Variants in HOMER1 observed in about 807,000 individuals in gnomAD.
HOMER1 encodes homer scaffold protein 1, also known as homer protein homolog 1.
A neutral mutation model predicts 48.9 loss-of-function variants in HOMER1; 3 were observed. The observed-to-expected ratio is 0.06, with a 90% CI of 0.03 to 0.16. HOMER1 has a LOEUF of 0.16. Ranked by LOEUF, HOMER1 falls within the 10% of genes least tolerant of loss-of-function variation. The pLI, the probability that HOMER1 is intolerant of heterozygous loss-of-function variation, is 1.00. For missense variants in HOMER1, 247 were observed against 411.4 expected, an observed-to-expected ratio of 0.60 and a Z score of 3.46; for synonymous variants, 134 against 146.4, an observed-to-expected ratio of 0.92 and a Z score of 0.61.
chr5:79,510,415 C>A, intron 1 of HOMER1: 1 of 641,812 alleles, frequency 1.6e-6, no homozygotes, highest in South Asian at 1.4e-5. Flanking sequence ...CTTCAGGAGC[C>A]GCGCCTTAAG....
intron 5 of HOMER1, among the ~76,000 whole-genome samples, chr5:79,426,530 T>C (rs1301150879): frequency 6.6e-6 from 1 of 151,924 alleles, no homozygotes; most frequent in Non-Finnish European, 1.5e-5. Context: ...TTATGTTAAA[T>C]AAAATAAGCC....
chr5:79,424,799 A>T lies in HOMER1; in HGVS notation c.527+14211T>A, dbSNP rs527284477. ...TTGCTTATTTTTGACTATATTTATC[A>T]GAAATAACAGCTATTTTGATTTTCA... On this transcript the variant is annotated intron_variant, in intron 5 of 8. Coordinates refer to ENST00000334082, the MANE Select transcript of HOMER1 (RefSeq NM_004272.5). Among the ~76,000 whole-genome samples, 89 of 152,228 alleles carry T rather than the reference A, an allele frequency of 5.8e-4. 1 individual carries two copies. The South Asian group carries it at 0.017, about 28-fold the overall frequency.
intron 4 of HOMER1, among the ~76,000 whole-genome samples, chr5:79,443,472 A>C (rs1238309873): frequency 1.3e-5 from 2 of 152,178 alleles, no homozygotes; most frequent in Non-Finnish European, 2.9e-5. Context: ...GGGAATTCTG[A>C]TGCAGAATTC....
intron 1 of HOMER1, among the ~76,000 whole-genome samples, chr5:79,497,364 A>C (rs763629711): frequency 5.3e-5 from 8 of 151,940 alleles, no homozygotes; most frequent in Non-Finnish European, 8.8e-5. Flanking sequence ...CTTATAAAAA[A>C]TAGAGCTGGG....
intron 5 of HOMER1, among the ~76,000 whole-genome samples, chr5:79,438,701 AC>A (rs1359396182): frequency 4.6e-5 from 7 of 152,204 alleles, no homozygotes; most frequent in Non-Finnish European, 8.8e-5. Flanking sequence ...ATGTTAAAAG[AC>A]AGGTAGAAGC....
At chr5:79,421,670 A>G (rs1340500166) in intron 5 of HOMER1, among the ~76,000 whole-genome samples, 1 of 151,728 alleles carries the variant, frequency 6.6e-6, no homozygotes. Flanking sequence ...CAATGGCGCA[A>G]TCTTGGCTCA....
chr5:79,485,498 A>G (rs1752072450), intron 1 of HOMER1, among the ~76,000 whole-genome samples: 1 of 152,188 alleles, frequency 6.6e-6, no homozygotes, highest in South Asian at 2.1e-4. Context: ...TTTTTCCACA[A>G]AGTTTGGAAC....
chr5:79,465,030 A>AT (rs113991070), intron 1 of HOMER1, among the ~76,000 whole-genome samples: 25 of 148,612 alleles, frequency 1.7e-4, no homozygotes, highest in African/African-American at 2.5e-4. Flanking sequence ...TTCTGGAAGG[A>AT]TTTTTTTTTT....
intron 3 of HOMER1, 34 bp from the exon 4 acceptor site, chr5:79,447,179 T>C: frequency 7.5e-7 from 1 of 1,335,522 alleles, no homozygotes; most frequent in South Asian, 1.2e-5. Context: ...ATTAACCAAA[T>C]AAAAATAGGT....
chr5:79,475,614 T>G (rs1275389249), intron 1 of HOMER1, among the ~76,000 whole-genome samples: 1 of 152,190 alleles, frequency 6.6e-6, no homozygotes, highest in East Asian at 1.9e-4. Context: ...TGCTTTGGAA[T>G]GAATAACCAA....
intron 8 of HOMER1, among the ~76,000 whole-genome samples, chr5:79,378,698 C>G (rs533378020): frequency 1.3e-5 from 2 of 152,200 alleles, no homozygotes; most frequent in East Asian, 1.9e-4. Context: ...ATGTCATTCA[C>G]TAGCAGACAC....
At chr5:79,491,479 A>G (rs1480771872) in intron 1 of HOMER1, among the ~76,000 whole-genome samples, 1 of 151,468 alleles carries the variant, frequency 6.6e-6, no homozygotes, top group Non-Finnish European at 1.5e-5. Context: ...AAAAAATACA[A>G]TTCAGTTGAG....
chr5:79,380,721 G>T (rs971458388), intron 8 of HOMER1, among the ~76,000 whole-genome samples: 3 of 152,066 alleles, frequency 2.0e-5, no homozygotes, highest in Non-Finnish European at 4.4e-5. Context: ...ATAATCGGGG[G>T]GTAGGGGGAG....
intron 1 of HOMER1, among the ~76,000 whole-genome samples, chr5:79,484,641 T>A (rs957030203): frequency 2.6e-5 from 4 of 152,170 alleles, no homozygotes; most frequent in African/African-American, 9.7e-5. Flanking sequence ...AAGAAAACCA[T>A]TTTGAAGACC....
chr5:79,455,050 C>T (rs1751132483), intron 2 of HOMER1, among the ~76,000 whole-genome samples: 1 of 151,916 alleles, frequency 6.6e-6, no homozygotes, highest in East Asian at 1.9e-4. Flanking sequence ...TCCTTAGCTC[C>T]AGCCCCAGTC....
Position 79,401,891 on chromosome 5 carries a change from GA to G in HOMER1, c.684+7del, listed in dbSNP as rs1749545266. The G allele has an allele frequency of 6.2e-7, 1 of 1,613,310 alleles. No homozygotes were observed. Among genetic ancestry groups the G allele is most frequent in the Non-Finnish European group, 8.5e-7 (1 of 1,179,658 alleles). On this transcript the variant is annotated splice_region_variant and intron_variant, in intron 6 of 8. Coordinates refer to ENST00000334082, the MANE Select transcript of HOMER1 (RefSeq NM_004272.5). ...CTAAATCCCTATAGACATCAGCCCTGAAATTACCCGCTTGTGCAGACGTTCT... is the reference window on the plus strand; with the variant it reads ...CTAAATCCCTATAGACATCAGCCCTGAATTACCCGCTTGTGCAGACGTTCT...
chr5:79,502,822 G>A (rs969659083), intron 1 of HOMER1, among the ~76,000 whole-genome samples: 4 of 152,082 alleles, frequency 2.6e-5, no homozygotes, highest in East Asian at 1.9e-4. Flanking sequence ...AGACAGTCTC[G>A]CTCTGTCGCC....
At chr5:79,450,879 G>A (rs1274082124) in intron 3 of HOMER1, 111 bp downstream of exon 3, 1 of 1,071,276 alleles carries the variant, frequency 9.3e-7, no homozygotes, top group Non-Finnish European at 1.3e-6. Flanking sequence ...GCTGTTTCGA[G>A]AATATTAAAT....
rs1354890661 is a variant in HOMER1 at position 79,379,120 on chromosome 5, TATAA to T, written c.877-2927_877-2924del. Among the ~76,000 whole-genome samples the T allele has an allele frequency of 3.8e-3, 354 of 92,802 alleles. 21 individuals carry two copies. Among genetic ancestry groups the T allele is most frequent in the African/African-American group, 0.016 (341 of 21,530 alleles). The allele number at this position is 92,802 out of a possible 152,430, so 60.9% of individuals were successfully genotyped here. A position where few individuals can be genotyped will look rare whatever the true frequency, so the allele number is the denominator to read the frequency against. On this transcript the variant is annotated intron_variant, in intron 8 of 8. Coordinates refer to ENST00000334082, the MANE Select transcript of HOMER1 (RefSeq NM_004272.5). ...TATATATATATATATATATAAAATATATAAATATTTATTTATATATAAAAATTAT... is the reference window on the plus strand; with the variant it reads ...TATATATATATATATATATAAAATATATATTTATTTATATATAAAAATTAT...
Sources: gnomAD v4.1 joint callset for allele counts (sites outside exome capture counted in the v4.1 genomes callset) on GRCh38, gnomAD v4.1.1 for gene constraint, MANE v1.5 for transcripts, NCBI Gene and HGNC (gene_info 2026-07-23, HGNC 2026-07-21) for gene names.